The following CHN1 variants were observed in gnomAD, a reference collection of about 807,000 sequenced individuals.
CHN1 encodes the protein N-chimaerin.
Under a neutral mutation model 59.5 loss-of-function variants are expected in CHN1, and 37 were observed. The observed-to-expected ratio is 0.62, with a 90% CI of 0.48 to 0.82. The LOEUF (loss-of-function observed/expected upper bound fraction) is 0.82, where lower values mean the gene tolerates loss of function less well. Among genes scored for constraint, CHN1 ranks in the 40% least tolerant of loss-of-function variants. CHN1 has a pLI of 0.00. For missense variants in CHN1, 469 were observed against 571.0 expected (o/e 0.82, Z 1.82); for synonymous variants, 206 against 200.4 (o/e 1.03, Z -0.24).
chr2:174,935,491 C>T (rs1271304512), intron 3 of CHN1, among the ~76,000 whole-genome samples: 1 of 152,180 alleles, frequency 6.6e-6, no homozygotes, highest in Admixed American at 6.5e-5. Context: ...TCATTCCACC[C>T]TATAAGCATT....
chr2:174,826,952 T>A (rs993847520), intron 7 of CHN1, among the ~76,000 whole-genome samples: 1 of 152,204 alleles, frequency 6.6e-6, no homozygotes, highest in Non-Finnish European at 1.5e-5. Flanking sequence ...TTTTGTTTTT[T>A]AAATCGTTTA....
At chr2:174,875,920 T>C in intron 6 of CHN1, 1 of 636,250 alleles carries the variant, frequency 1.6e-6, no homozygotes, top group Non-Finnish European at 2.0e-6. Flanking sequence ...CAGCTAGATT[T>C]AAGATGCATG....
intron 5 of CHN1, among the ~76,000 whole-genome samples, chr2:174,886,396 A>G (rs1054798531): frequency 5.9e-5 from 9 of 152,160 alleles, no homozygotes; most frequent in Non-Finnish European, 1.0e-4. Context: ...TCTCTTACCT[A>G]AATTGACCCC....
At chr2:174,986,787 A>C (rs951879481) in intron 1 of CHN1, among the ~76,000 whole-genome samples, 2 of 152,222 alleles carry the variant, frequency 1.3e-5, no homozygotes, top group African/African-American at 4.8e-5. Flanking sequence ...CCCAGGCTGG[A>C]GTGCAATGGC....
chr2:174,887,671 G>A (rs569779310), intron 5 of CHN1, among the ~76,000 whole-genome samples: 19 of 152,202 alleles, frequency 1.2e-4, no homozygotes, highest in South Asian at 8.3e-4. Context: ...GGGCCAAAAA[G>A]ATTATCAAAA....
intron 1 of CHN1, among the ~76,000 whole-genome samples, chr2:174,991,364 T>C (rs1574251193): frequency 6.6e-6 from 1 of 152,226 alleles, no homozygotes; most frequent in Non-Finnish European, 1.5e-5. Context: ...CTGTTTCCAG[T>C]TGACTACTGG....
At chr2:174,953,700 C>T (rs1690098820) in intron 1 of CHN1, among the ~76,000 whole-genome samples, 1 of 151,834 alleles carries the variant, frequency 6.6e-6, no homozygotes, top group Admixed American at 6.6e-5. Flanking sequence ...AAAACAAAAA[C>T]AAAAACCAAA....
At chr2:174,927,275 C>T (rs1164597107) in intron 3 of CHN1, among the ~76,000 whole-genome samples, 2 of 152,202 alleles carry the variant, frequency 1.3e-5, no homozygotes, top group Non-Finnish European at 2.9e-5. Flanking sequence ...CTAGACTGGT[C>T]TTGAACTCCT....
At chr2:174,952,137 A>ATTT in intron 2 of CHN1, 27 bp downstream of exon 2, 1 of 1,344,110 alleles carries the variant, frequency 7.4e-7, no homozygotes. Context: ...AAAGCACTAT[A>ATTT]ACCCACACAA....
intron 6 of CHN1, among the ~76,000 whole-genome samples, chr2:174,848,831 T>TA (rs1686631121): frequency 6.6e-6 from 1 of 152,224 alleles, no homozygotes; most frequent in Non-Finnish European, 1.5e-5. Flanking sequence ...CATGAGTTTA[T>TA]ATACTTAGAT....
intron 10 of CHN1, 133 bp from the exon 11 acceptor site, chr2:174,809,175 GCTA>G: frequency 1.3e-6 from 1 of 784,118 alleles, no homozygotes; most frequent in South Asian, 2.3e-5. Flanking sequence ...AATTTAGTGT[GCTA>G]CGTTACATAT....
At chr2:174,885,309 G>A (rs962862020) in intron 5 of CHN1, among the ~76,000 whole-genome samples, 8 of 151,098 alleles carry the variant, frequency 5.3e-5, no homozygotes, top group African/African-American at 1.7e-4. Context: ...TATATAGAGA[G>A]AGAGAAATTA....
intron 5 of CHN1, among the ~76,000 whole-genome samples, chr2:174,897,846 C>A (rs377411460): frequency 1.2e-4 from 18 of 152,254 alleles, no homozygotes; most frequent in East Asian, 9.7e-4. Flanking sequence ...AAAAAAGAGG[C>A]AGGGAGAAGG....
At chr2:174,973,421 C>G (rs898264141) in intron 1 of CHN1, among the ~76,000 whole-genome samples, 2 of 152,068 alleles carry the variant, frequency 1.3e-5, no homozygotes, top group African/African-American at 4.8e-5. Flanking sequence ...TCAGGAAGGG[C>G]AGAAACCTAG....
chr2:174,973,936 G>A (rs1408720463), intron 1 of CHN1, among the ~76,000 whole-genome samples: 1 of 152,184 alleles, frequency 6.6e-6, no homozygotes, highest in Non-Finnish European at 1.5e-5. Context: ...GAAGAAATAT[G>A]TGAATTAAAG....
intron 1 of CHN1, among the ~76,000 whole-genome samples, chr2:174,992,105 AG>A (rs1691563001): frequency 6.6e-6 from 1 of 152,240 alleles, no homozygotes; most frequent in South Asian, 2.1e-4. Flanking sequence ...CAGAACTCAA[AG>A]GAAAGGCAGA....
Position 174,824,498 on chromosome 2 carries a change from T to C in CHN1, c.648A>G (p.Pro216=), listed in dbSNP as rs1165454929. The change falls in exon 8 of 13, where the codon CCA becomes CCG. Residue 216 remains proline, a synonymous_variant. Transcript: ENST00000409900. ...AGTTGGCACAGTATTCACACCAGTG[T>C]GGCCCTCTGAATGTATGCACCTGAA... ...HNFKVHTFRG[P]HWCEYCANFM... The C allele has an allele frequency of 2.5e-6, 4 of 1,601,556 alleles. No individual in the cohort carries two copies. The highest frequency in any genetic ancestry group is 3.4e-6 in the Non-Finnish European group (4 of 1,174,896).
intron 3 of CHN1, among the ~76,000 whole-genome samples, chr2:174,942,682 A>G (rs556002178): frequency 6.6e-6 from 1 of 152,320 alleles, no homozygotes; most frequent in South Asian, 2.1e-4. Context: ...CAGTGTATAC[A>G]TGTATCAAAA....
chr2:174,809,104 A>G, intron 10 of CHN1, 62 bp from the exon 11 acceptor site: 1 of 1,411,762 alleles, frequency 7.1e-7, no homozygotes, highest in Non-Finnish European at 9.7e-7. Context: ...GTTTTAATGA[A>G]TGACATATCT....
Sources: gnomAD v4.1 joint callset for allele counts (sites outside exome capture counted in the v4.1 genomes callset) on GRCh38, gnomAD v4.1.1 for gene constraint, MANE v1.5 for transcripts, NCBI Gene and HGNC (gene_info 2026-07-23, HGNC 2026-07-21) for gene names.